Variants in QNG1 observed in about 807,000 individuals in gnomAD.
QNG1 encodes the protein Q-nucleotide N-glycosylase 1.
chr9:83,952,413 G>A, the QNG1 span, among the ~76,000 whole-genome samples: 3 of 152,194 alleles, frequency 2.0e-5, no homozygotes, highest in African/African-American at 4.8e-5. Flanking sequence ...TGTAATCCCA[G>A]AACTTTGGGA....
chr9:83,951,184 C>T, the QNG1 span, among the ~76,000 whole-genome samples: 1 of 152,090 alleles, frequency 6.6e-6, no homozygotes, highest in Non-Finnish European at 1.5e-5. Flanking sequence ...GTGGGAGAAT[C>T]GCTTCAACTT....
At chr9:83,938,456 T>C in the QNG1 span, 1 of 152,228 alleles carries the variant, frequency 6.6e-6, no homozygotes, top group African/African-American at 2.4e-5. Context: ...GTGTCAAGAT[T>C]GATTTTTACA....
chr9:83,956,429 G>A, the QNG1 span: 1 of 1,570,694 alleles, frequency 6.4e-7, no homozygotes, highest in Non-Finnish European at 8.6e-7. Context: ...CGCCTCCGCT[G>A]TCAATAAACA....
chr9:83,953,921 CT>C, the QNG1 span: 18 of 952,034 alleles, frequency 1.9e-5, no homozygotes, highest in Middle Eastern at 1.6e-3. Flanking sequence ...GAGATAGAGT[CT>C]AATTCTGTCT....
chr9:83,944,974 A>G, the QNG1 span: 1 of 1,604,780 alleles, frequency 6.2e-7, no homozygotes, highest in Admixed American at 1.7e-5. Flanking sequence ...CGTTTGTAAA[A>G]AGAAACTCTT....
chr9:83,945,086 G>C, the QNG1 span: 1 of 957,794 alleles, frequency 1.0e-6, no homozygotes, highest in South Asian at 1.8e-5. Flanking sequence ...TTAAAAGGCA[G>C]AATAATCTTA....
At chr9:83,953,727 G>C in the QNG1 span, 1 of 1,190,116 alleles carries the variant, frequency 8.4e-7, no homozygotes, top group Non-Finnish European at 1.2e-6. Context: ...GCGTAATCTC[G>C]GCTCACTGCA....
the QNG1 span, among the ~76,000 whole-genome samples, chr9:83,943,059 A>C: frequency 6.6e-6 from 1 of 152,102 alleles, no homozygotes; most frequent in Admixed American, 6.6e-5. Flanking sequence ...TGAAAAAAAG[A>C]AGCTGGGCGT....
At chr9:83,956,367 C>A in the QNG1 span, 1 of 1,609,132 alleles carries the variant, frequency 6.2e-7, no homozygotes, top group South Asian at 1.1e-5. Flanking sequence ...CCCCTCCACG[C>A]GCAGCTCTGG....
At chr9:83,948,695 T>C in the QNG1 span, among the ~76,000 whole-genome samples, 22 of 152,230 alleles carry the variant, frequency 1.4e-4, no homozygotes, top group Non-Finnish European at 3.1e-4. Flanking sequence ...GGATTGTTAC[T>C]GTGTCCGTGT....
chr9:83,940,958 A>G, the QNG1 span, among the ~76,000 whole-genome samples: 1,058 of 152,310 alleles, frequency 6.9e-3, 12 homozygotes, highest in African/African-American at 0.024. Flanking sequence ...GTGCTAGCAT[A>G]GAAGCCCATA....
chr9:83,956,732 C>G, the QNG1 span: 271 of 418,198 alleles, frequency 6.5e-4, 1 homozygote, highest in Middle Eastern at 3.7e-3. Context: ...GCAGAGGCCG[C>G]AAGCACTTCC....
At chr9:83,953,172 G>A in the QNG1 span, among the ~76,000 whole-genome samples, 30 of 152,030 alleles carry the variant, frequency 2.0e-4, no homozygotes, top group African/African-American at 6.8e-4. Context: ...GGAGACTGAG[G>A]CAGGAGAATC....
chr9:83,942,446 G>C, the QNG1 span, among the ~76,000 whole-genome samples: 1 of 152,142 alleles, frequency 6.6e-6, no homozygotes, highest in East Asian at 1.9e-4. Flanking sequence ...AGAAATCTAA[G>C]TGGCACTTCC....
the QNG1 span, chr9:83,945,100 T>C: frequency 2.3e-6 from 2 of 886,256 alleles, no homozygotes; most frequent in South Asian, 3.9e-5. Context: ...AATCTTACTT[T>C]GTTGGTAAGA....
At chr9:83,955,560 C>A in the QNG1 span, 2 of 1,614,180 alleles carry the variant, frequency 1.2e-6, no homozygotes, top group South Asian at 2.2e-5. Context: ...GGCATGGAAA[C>A]GTCTGTGTCA....
At chr9:83,941,413 C>A in the QNG1 span, among the ~76,000 whole-genome samples, 1 of 152,104 alleles carries the variant, frequency 6.6e-6, no homozygotes, top group Non-Finnish European at 1.5e-5. Flanking sequence ...GAGACCCCTT[C>A]TCTACAAAAA....
At chr9:83,956,050 G>T in the QNG1 span, 5 of 1,027,176 alleles carry the variant, frequency 4.9e-6, no homozygotes, top group South Asian at 1.5e-5. Flanking sequence ...CGAACTTCAG[G>T]TTCGCTTTCC....
chr9:83,950,597 T>G, the QNG1 span, among the ~76,000 whole-genome samples: 1 of 15,186 alleles, frequency 6.6e-5, no homozygotes, highest in Non-Finnish European at 1.4e-4. Context: ...TTTTCTTTTC[T>G]TTTTTTTTTT....
Sources: gnomAD v4.1 joint callset for allele counts (sites outside exome capture counted in the v4.1 genomes callset) on GRCh38, gnomAD v4.1.1 for gene constraint, MANE v1.5 for transcripts, NCBI Gene and HGNC (gene_info 2026-07-23, HGNC 2026-07-21) for gene names.